Variants in NBAS observed in about 807,000 individuals in gnomAD.
NBAS encodes the protein NAG/BC035112 fusion.
In NBAS, 219 loss-of-function variants were observed where a neutral mutation model predicts 302.5. That is an observed-to-expected ratio of 0.72 (90% CI 0.65 to 0.81). The LOEUF is 0.81. NBAS is among the 30% of genes least tolerant of loss of function. The pLI is 0.00. For synonymous variants in NBAS, 1,118 were observed against 1,021.6 expected, an observed-to-expected ratio of 1.09 and a Z score of -1.80; for missense variants, 2,932 against 2,841.6, an observed-to-expected ratio of 1.03 and a Z score of -0.72.
intron 26 of NBAS, chr2:15,397,458 G>A (rs1675920907): frequency 6.2e-6 from 3 of 487,502 alleles, no homozygotes; most frequent in Non-Finnish European, 1.1e-5. Context: ...GGTGGGGGTT[G>A]TGGGGCAGCA....
intron 21 of NBAS, among the ~76,000 whole-genome samples, chr2:15,434,611 A>C (rs1677921292): frequency 6.6e-6 from 1 of 152,256 alleles, no homozygotes; most frequent in Admixed American, 6.5e-5. Flanking sequence ...CATAGGTTTT[A>C]TTGTTCATTT....
the NBAS span, among the ~76,000 whole-genome samples, chr2:14,811,651 C>G: frequency 6.6e-6 from 1 of 151,940 alleles, no homozygotes; most frequent in Non-Finnish European, 1.5e-5. Flanking sequence ...TCAAGAAACC[C>G]TTGTTTAAAA....
At chr2:15,254,743 G>A (rs954287829) in intron 44 of NBAS, among the ~76,000 whole-genome samples, 6 of 152,214 alleles carry the variant, frequency 3.9e-5, no homozygotes, top group African/African-American at 1.4e-4. Flanking sequence ...TCATTCTTAT[G>A]TCTCCGAGTC....
chr2:15,087,696 A>G, the NBAS span, among the ~76,000 whole-genome samples: 7 of 152,352 alleles, frequency 4.6e-5, no homozygotes, highest in Admixed American at 2.0e-4. Context: ...GGCAAGATAC[A>G]GGAAATGTCA....
intron 25 of NBAS, among the ~76,000 whole-genome samples, chr2:15,410,441 A>G (rs1676627077): frequency 6.6e-6 from 1 of 152,106 alleles, no homozygotes; most frequent in African/African-American, 2.4e-5. Flanking sequence ...AAAGCCCATG[A>G]CCTTCAAGAA....
chr2:15,167,351 G>A lies in NBAS; in HGVS notation c.6841-28C>T. Reference sequence around the variant, plus strand: ...TCAAGAAATAAGACAGGCACAGCGTGAGGGGGTGTTTGCTTTGTTCGCCTC... The same window carrying A: ...TCAAGAAATAAGACAGGCACAGCGTAAGGGGGTGTTTGCTTTGTTCGCCTC... On this transcript the variant is annotated intron_variant, in intron 51 of 51. Coordinates refer to ENST00000281513, the MANE Select transcript of NBAS (RefSeq NM_015909.4). The A allele has an allele frequency of 1.9e-6, 3 of 1,613,696 alleles. No individual in the cohort carries two copies. The South Asian group carries it at 3.3e-5, about 18-fold the overall frequency.
At chr2:15,392,960 T>C (rs1486262563) in intron 28 of NBAS, among the ~76,000 whole-genome samples, 4 of 151,974 alleles carry the variant, frequency 2.6e-5, no homozygotes, top group African/African-American at 4.8e-5. Flanking sequence ...TAGGCCCCCA[T>C]TTACACAGAC....
At chr2:15,298,885 T>C (rs1327517110) in intron 40 of NBAS, among the ~76,000 whole-genome samples, 4 of 152,174 alleles carry the variant, frequency 2.6e-5, no homozygotes, top group African/African-American at 9.7e-5. Flanking sequence ...AGTTGAAGCA[T>C]CCGGAGCTGT....
chr2:15,205,668 G>A (rs542866575), intron 48 of NBAS, among the ~76,000 whole-genome samples: 1 of 152,198 alleles, frequency 6.6e-6, no homozygotes, highest in African/African-American at 2.4e-5. Flanking sequence ...CACATTTTAG[G>A]GGAATGGCCT....
the NBAS span, among the ~76,000 whole-genome samples, chr2:14,913,394 C>T: frequency 7.2e-5 from 11 of 151,850 alleles, no homozygotes; most frequent in African/African-American, 1.7e-4. Context: ...AGTTAGGTAG[C>T]GAAGGAAAGG....
In NBAS at chr2:15,561,289, A is replaced by T. The variant is rs755213908; in HGVS notation, c.16T>A (p.Ser6Thr). 1 of 1,612,866 alleles carries T rather than the reference A, an allele frequency of 6.2e-7. No individual in the cohort carries two copies. The highest frequency in any genetic ancestry group is 8.5e-7 in the Non-Finnish European group (1 of 1,179,964). MAAPE[S>T]GPALSPGTAE... The stretch of plus-strand genomic sequence containing the variant: ...GTGCCTGGACTCAAAGCCGGCCCTG[A>T]CTCGGGGGCCGCCATGTTCGCCGAG... The change falls in exon 1 of 52, where the codon TCA becomes ACA. Residue 6 changes from serine (S) to threonine (T), a missense_variant. Physicochemically the swap from Ser to Thr is moderately conservative, Grantham distance 58. Transcript: ENST00000281513.
chr2:15,446,597 C>A (rs1172180574), intron 21 of NBAS, among the ~76,000 whole-genome samples: 4 of 151,906 alleles, frequency 2.6e-5, no homozygotes, highest in African/African-American at 7.3e-5. Context: ...CTACACAAAG[C>A]AATGAAGAGG....
intron 47 of NBAS, among the ~76,000 whole-genome samples, chr2:15,230,329 G>A (rs1268070462): frequency 7.1e-6 from 1 of 141,402 alleles, no homozygotes; most frequent in African/African-American, 2.7e-5. Context: ...TAACTGTGCA[G>A]ATTCAAAAAA....
chr2:14,977,129 C>T, the NBAS span, among the ~76,000 whole-genome samples: 10 of 152,116 alleles, frequency 6.6e-5, no homozygotes, highest in Non-Finnish European at 1.5e-4. Context: ...TCCAGACTCT[C>T]AACCTTGTAG....
the NBAS span, among the ~76,000 whole-genome samples, chr2:14,792,439 AG>A: frequency 6.6e-6 from 1 of 152,132 alleles, no homozygotes; most frequent in African/African-American, 2.4e-5. Context: ...GTGGCTGACT[AG>A]GGGATGTAGC....
At chr2:15,406,316 T>C (rs1358145458) in intron 25 of NBAS, among the ~76,000 whole-genome samples, 2 of 152,046 alleles carry the variant, frequency 1.3e-5, no homozygotes, top group Non-Finnish European at 2.9e-5. Context: ...TTCAAATCAC[T>C]AGGGTAATGG....
the NBAS span, among the ~76,000 whole-genome samples, chr2:14,868,712 G>T: frequency 1.3e-5 from 2 of 152,186 alleles, no homozygotes; most frequent in African/African-American, 4.8e-5. Flanking sequence ...TTTGCTACTA[G>T]ACTGTCTTGT....
chr2:15,276,160 T>G (rs1355613782), intron 43 of NBAS, among the ~76,000 whole-genome samples: 3 of 152,174 alleles, frequency 2.0e-5, no homozygotes, highest in Non-Finnish European at 2.9e-5. Context: ...TGCATTACAT[T>G]TCTTTGTTAT....
At chr2:14,844,589 A>C in the NBAS span, among the ~76,000 whole-genome samples, 1 of 152,132 alleles carries the variant, frequency 6.6e-6, no homozygotes, top group Non-Finnish European at 1.5e-5. Flanking sequence ...TAGCACACCA[A>C]GTGGGCTCAT....
Sources: allele counts gnomAD v4.1 joint callset (sites outside exome capture counted in the v4.1 genomes callset), GRCh38; gene constraint gnomAD v4.1.1; transcripts MANE v1.5; gene names NCBI Gene and HGNC (gene_info 2026-07-23, HGNC 2026-07-21).